Variants in RERE observed in about 807,000 individuals in gnomAD.
RERE encodes the protein arginine-glutamic acid dipeptide repeats, also known as arginine-glutamic acid dipeptide repeats protein.
In RERE, 40 loss-of-function variants were observed where a neutral mutation model predicts 146.1. That is an observed-to-expected ratio of 0.27 (90% CI 0.21 to 0.36). The LOEUF is 0.36. Ranked by LOEUF, RERE falls within the 10% of genes least tolerant of loss-of-function variation. RERE has a pLI of 1.00. For synonymous variants in RERE, 1,003 were observed against 866.0 expected, an observed-to-expected ratio of 1.16 and a Z score of -2.78; for missense variants, 1,933 against 2,138.7, an observed-to-expected ratio of 0.90 and a Z score of 1.90.
intron 4 of RERE, among the ~76,000 whole-genome samples, chr1:8,582,360 G>T (rs1012485263): frequency 6.7e-6 from 1 of 148,812 alleles, no homozygotes; most frequent in Non-Finnish European, 1.5e-5. Context: ...CTATAGGTGT[G>T]TATCACTGTG....
At chr1:8,808,247 T>C (rs1257033925) in intron 1 of RERE, among the ~76,000 whole-genome samples, 5 of 152,124 alleles carry the variant, frequency 3.3e-5, no homozygotes, top group Non-Finnish European at 7.3e-5. Flanking sequence ...TATTACTCTA[T>C]TCACTTGGTA....
At chr1:8,560,934 C>A (rs1367118332) in intron 4 of RERE, among the ~76,000 whole-genome samples, 3 of 152,204 alleles carry the variant, frequency 2.0e-5, no homozygotes, top group Non-Finnish European at 4.4e-5. Context: ...AATCTACCAT[C>A]TATGTATTTC....
intron 12 of RERE, among the ~76,000 whole-genome samples, chr1:8,408,274 C>A (rs949350942): frequency 6.6e-6 from 1 of 152,050 alleles, no homozygotes; most frequent in Non-Finnish European, 1.5e-5. Flanking sequence ...TAATCAAAGC[C>A]GAGTAGTAAC....
At chr1:8,451,459 C>T (rs1391927264) in intron 11 of RERE, among the ~76,000 whole-genome samples, 1 of 151,868 alleles carries the variant, frequency 6.6e-6, no homozygotes, top group Non-Finnish European at 1.5e-5. Flanking sequence ...ATACTCCTTG[C>T]CTCAACATCC....
intron 1 of RERE, among the ~76,000 whole-genome samples, chr1:8,769,504 G>A (rs1640906029): frequency 6.6e-6 from 1 of 152,158 alleles, no homozygotes; most frequent in South Asian, 2.1e-4. Context: ...TTTGGAGACA[G>A]GGTCTCAATC....
At chr1:8,585,646 A>C (rs550348092) in intron 4 of RERE, among the ~76,000 whole-genome samples, 36 of 152,328 alleles carry the variant, frequency 2.4e-4, no homozygotes, top group African/African-American at 8.4e-4. Flanking sequence ...CCTACTAACC[A>C]AAAATGGGAC....
At chr1:8,409,339 C>G (rs1299748470) in intron 12 of RERE, among the ~76,000 whole-genome samples, 1 of 152,186 alleles carries the variant, frequency 6.6e-6, no homozygotes, top group East Asian at 1.9e-4. Flanking sequence ...AGCTATACTA[C>G]CTACTCAGAT....
intron 6 of RERE, among the ~76,000 whole-genome samples, chr1:8,550,449 G>A (rs1433127435): frequency 1.3e-5 from 2 of 152,168 alleles, no homozygotes; most frequent in Admixed American, 6.5e-5. Context: ...AGCCAGATAA[G>A]GATTCTTAAA....
intron 4 of RERE, among the ~76,000 whole-genome samples, chr1:8,590,185 T>C (rs1162731048): frequency 6.6e-6 from 1 of 151,730 alleles, no homozygotes; most frequent in East Asian, 1.9e-4. Flanking sequence ...ATCAGTGCCA[T>C]AAAAACAATA....
intron 2 of RERE, among the ~76,000 whole-genome samples, chr1:8,626,425 C>CA (rs1488299886): frequency 6.6e-6 from 1 of 152,168 alleles, no homozygotes; most frequent in Non-Finnish European, 1.5e-5. Flanking sequence ...ACTGACAGAG[C>CA]AGGAGCATCA....
chr1:8,762,265 C>A (rs1640769775), intron 1 of RERE, among the ~76,000 whole-genome samples: 1 of 152,192 alleles, frequency 6.6e-6, no homozygotes, highest in South Asian at 2.1e-4. Flanking sequence ...CGTCACCCTA[C>A]TGGAAGACAA....
chr1:8,494,861 G>A (rs182721146), intron 10 of RERE, among the ~76,000 whole-genome samples: 5 of 152,274 alleles, frequency 3.3e-5, no homozygotes, highest in East Asian at 3.9e-4. Flanking sequence ...CCTCAAACCT[G>A]CAGCACAGAC....
At chr1:8,421,832 T>A (rs1643914496) in intron 12 of RERE, among the ~76,000 whole-genome samples, 1 of 152,216 alleles carries the variant, frequency 6.6e-6, no homozygotes, top group Non-Finnish European at 1.5e-5. Flanking sequence ...AGATTAAACA[T>A]GGATCACTCC....
At chr1:8,623,401 AG>A (rs1646939016) in intron 3 of RERE, among the ~76,000 whole-genome samples, 2 of 152,224 alleles carry the variant, frequency 1.3e-5, no homozygotes, top group Non-Finnish European at 2.9e-5. Context: ...CGGTGAGCCA[AG>A]ACTGCACCAC....
intron 12 of RERE, among the ~76,000 whole-genome samples, chr1:8,401,037 C>CA (rs1557611624): frequency 8.9e-4 from 5 of 5,606 alleles, no homozygotes; most frequent in Admixed American, 3.2e-3. Context: ...AAAAAAAAAA[C>CA]CATATATATA....
intron 1 of RERE, among the ~76,000 whole-genome samples, chr1:8,743,426 AT>A (rs35763675): frequency 0.77 from 94,854 of 122,988 alleles, 36,538 homozygotes; most frequent in East Asian, 0.91. Context: ...CTACAGGCTA[AT>A]TTTTTTTTTT....
At chr1:8,789,301 A>AAAAAAAATATATACATAT in intron 1 of RERE, among the ~76,000 whole-genome samples, 1 of 24,826 alleles carries the variant, frequency 4.0e-5, no homozygotes, top group African/African-American at 2.3e-4. Context: ...AAAAAAAAAA[A>AAAAAAAATATATACATAT]ATATATATAT....
At chr1:8,654,923 G>GC (rs1255654159) in intron 2 of RERE, among the ~76,000 whole-genome samples, 1 of 151,882 alleles carries the variant, frequency 6.6e-6, no homozygotes, top group Non-Finnish European at 1.5e-5. Flanking sequence ...ACTGTGCCCA[G>GC]CCTAAAAAAG....
chr1:8,442,894 CA>C (rs969723144), intron 11 of RERE, among the ~76,000 whole-genome samples: 24 of 152,138 alleles, frequency 1.6e-4, no homozygotes, highest in African/African-American at 5.8e-4. Context: ...GGCACTGGAG[CA>C]AAAGTCACCC....
Sources: allele counts gnomAD v4.1 joint callset (sites outside exome capture counted in the v4.1 genomes callset), GRCh38; gene constraint gnomAD v4.1.1; transcripts MANE v1.5; gene names NCBI Gene and HGNC (gene_info 2026-07-23, HGNC 2026-07-21).